The following RPA1 variants were observed in gnomAD, a reference collection of about 807,000 sequenced individuals.
RPA1 encodes replication protein A1.
RPA1 carries 49 observed loss-of-function variants against 83.0 expected under a neutral mutation model. That is an observed-to-expected ratio of 0.59 (90% confidence interval 0.47 to 0.75). The LOEUF is 0.75. RPA1 is among the 30% of genes least tolerant of loss of function. The pLI is 0.00. For synonymous variants in RPA1, 279 were observed against 281.8 expected, an observed-to-expected ratio of 0.99 and a Z score of 0.10; for missense variants, 693 against 776.1, an observed-to-expected ratio of 0.89 and a Z score of 1.27.
intron 6 of RPA1, among the ~76,000 whole-genome samples, chr17:1,874,032 T>TATATATATATACACACACAC (rs1171343408): frequency 1.3e-5 from 1 of 79,258 alleles, no homozygotes; most frequent in African/African-American, 6.3e-5. Flanking sequence ...TATATATATA[T>TATATATATATACACACACAC]ACACACACAC....
chr17:1,874,032 TACACACACAC>T (rs67199303), intron 6 of RPA1, among the ~76,000 whole-genome samples: 2 of 79,274 alleles, frequency 2.5e-5, no homozygotes, highest in Non-Finnish European at 4.2e-5. Flanking sequence ...TATATATATA[TACACACACAC>T]ACACACACAC....
At chr17:1,836,110 T>TTATTTA (rs1911811450) in intron 1 of RPA1, among the ~76,000 whole-genome samples, 1 of 151,758 alleles carries the variant, frequency 6.6e-6, no homozygotes, top group Non-Finnish European at 1.5e-5. Context: ...ATTGCACCTT[T>TTATTTA]TTTATTTATT....
intron 8 of RPA1, among the ~76,000 whole-genome samples, chr17:1,878,721 G>T (rs962437846): frequency 6.6e-6 from 1 of 152,160 alleles, no homozygotes; most frequent in Non-Finnish European, 1.5e-5. Context: ...GTTCTGTTCT[G>T]TTTCTCAGTT....
chr17:1,876,030 G>A lies in RPA1; in HGVS notation c.587+237G>A, dbSNP rs1913560984. ...ATAGCAATCTGCCATAGCCTGTGGG[G>A]TTTCATTCATTTTGAAAGAATTTGA... On this transcript the variant is annotated intron_variant, in intron 7 of 16. Coordinates refer to ENST00000254719, the MANE Select transcript of RPA1 (RefSeq NM_002945.5). Among the ~76,000 whole-genome samples the A allele has an allele frequency of 2.0e-5, 3 of 151,950 alleles. No individual in the cohort carries two copies. In the South Asian group the frequency reaches 6.2e-4, roughly 32 times the overall value.
intron 1 of RPA1, among the ~76,000 whole-genome samples, chr17:1,834,343 C>T (rs1911729955): frequency 2.6e-5 from 4 of 152,178 alleles, no homozygotes; most frequent in Admixed American, 2.6e-4. Flanking sequence ...AGATGTGAGC[C>T]ACTGCACCTG....
At chr17:1,870,160 A>C (rs1913324949) in intron 5 of RPA1, among the ~76,000 whole-genome samples, 1 of 152,154 alleles carries the variant, frequency 6.6e-6, no homozygotes, top group Non-Finnish European at 1.5e-5. Flanking sequence ...AATAGTGTCT[A>C]CATCCTAGGG....
chr17:1,852,228 C>T (rs1295168773), intron 4 of RPA1, among the ~76,000 whole-genome samples: 2 of 152,102 alleles, frequency 1.3e-5, no homozygotes, highest in Non-Finnish European at 2.9e-5. Flanking sequence ...ATTGACAGTA[C>T]AGTCTAGTAG....
At chr17:1,834,634 C>T (rs1196292817) in intron 1 of RPA1, among the ~76,000 whole-genome samples, 1 of 152,162 alleles carries the variant, frequency 6.6e-6, no homozygotes, top group East Asian at 1.9e-4. Context: ...CAACAGAATA[C>T]ATAGCATTTG....
chr17:1,875,725 G>T lies in RPA1; in HGVS notation c.519G>T (p.Leu173=). The change falls in exon 7 of 17, where the codon CTG becomes CTT. Residue 173 remains leucine (L), a synonymous_variant. Transcript: ENST00000254719. Reference sequence around the variant, plus strand: ...TTGGAAAAGCTGCAGGTCCCAGCCTGTCACACACTTCTGGGGGAACACAGT... The same window carrying T: ...TTGGAAAAGCTGCAGGTCCCAGCCTTTCACACACTTCTGGGGGAACACAGT... The part of the protein sequence containing the change: ...KTFGKAAGPS[L]SHTSGGTQSK... The T allele has an allele frequency of 6.2e-7, 1 of 1,614,180 alleles. No individual in the cohort carries two copies. The highest frequency in any genetic ancestry group is 8.5e-7 in the Non-Finnish European group (1 of 1,180,036).
At position 1,895,034 on chromosome 17, in the gene RPA1, T is replaced by A; in HGVS notation, c.1685T>A (p.Phe562Tyr). 1 of 1,613,502 alleles carries A rather than the reference T, an allele frequency of 6.2e-7. No individual in the cohort carries two copies. The highest frequency in any genetic ancestry group is 1.1e-5 in the South Asian group (1 of 91,006). ...AATGAACAGGCATTTGAAGAAGTTT[T>A]CCAGAATGCCAACTTCCGATCTTTC... Reference protein sequence around the residue: ...DKNEQAFEEVFQNANFRSFIF... With the variant: ...DKNEQAFEEVYQNANFRSFIF... The change falls in exon 16 of 17, where the codon TTC (phenylalanine) becomes TAC (tyrosine). Residue 562 changes from phenylalanine to tyrosine, a missense_variant. Phe to Tyr is a conservative substitution (Grantham distance 22, BLOSUM62 3). Coordinates refer to ENST00000254719, the MANE Select transcript of RPA1 (RefSeq NM_002945.5).
At chr17:1,890,677 T>C (rs1260736026) in intron 14 of RPA1, among the ~76,000 whole-genome samples, 1 of 151,964 alleles carries the variant, frequency 6.6e-6, no homozygotes, top group Non-Finnish European at 1.5e-5. Context: ...AATAAATAAA[T>C]TAAATTAATA....
chr17:1,846,702 G>A (rs1226821282), intron 4 of RPA1, among the ~76,000 whole-genome samples: 1 of 152,098 alleles, frequency 6.6e-6, no homozygotes, highest in African/African-American at 2.4e-5. Flanking sequence ...TTTTCTGTGT[G>A]TTATTCCTTA....
At chr17:1,872,020 C>T (rs1428995385) in intron 5 of RPA1, 1 of 173,594 alleles carries the variant, frequency 5.8e-6, no homozygotes, top group African/African-American at 2.4e-5. Flanking sequence ...TTTTTCTTAC[C>T]ACCCAGCTTT....
chr17:1,844,417 C>T (rs1912178423), intron 3 of RPA1, among the ~76,000 whole-genome samples, 161 bp from the exon 4 acceptor site: 1 of 152,182 alleles, frequency 6.6e-6, no homozygotes, highest in South Asian at 2.1e-4. Flanking sequence ...AAATGTTTAA[C>T]AGGCAGCAAA....
At position 1,884,321 on chromosome 17, in the gene RPA1, A is replaced by G. The variant is rs970793616; in HGVS notation, c.1374+377A>G. Among the ~76,000 whole-genome samples the G allele has an allele frequency of 2.5e-5, 3 of 121,034 alleles. No individual in the cohort carries two copies. Among genetic ancestry groups the G allele is most frequent in the African/African-American group, 7.6e-5 (2 of 26,344 alleles). 79.4% of individuals were successfully genotyped at this position (121,034 alleles called of 152,430 possible). On this transcript the variant is annotated intron_variant, in intron 13 of 16. Coordinates refer to ENST00000254719, the MANE Select transcript of RPA1 (RefSeq NM_002945.5). This position sits in a 1 kb window ranked among gnomAD's most constrained non-coding sequence, Gnocchi z 4.1. ...ACATATCAAAAAGATGTTTTTTGAG[A>G]TGAGCGTTAGTCCGCCTCAGGTCAG...
intron 16 of RPA1, among the ~76,000 whole-genome samples, chr17:1,896,378 A>G (rs960841252): frequency 6.6e-6 from 1 of 152,230 alleles, no homozygotes; most frequent in African/African-American, 2.4e-5. Context: ...GTGTAAACGT[A>G]CGAGTGGGCA....
At chr17:1,853,255 C>A in intron 5 of RPA1, 66 bp downstream of exon 5, 1 of 1,229,052 alleles carries the variant, frequency 8.1e-7, no homozygotes, top group Non-Finnish European at 1.2e-6. Flanking sequence ...GGAGTTCTAC[C>A]TTTTGGATTC....
chr17:1,846,443 G>C (rs150707765), intron 4 of RPA1, among the ~76,000 whole-genome samples: 1 of 144,716 alleles, frequency 6.9e-6, no homozygotes, highest in Non-Finnish European at 1.5e-5. Context: ...TCAGCCTCCC[G>C]AGTAGCTGGG....
intron 5 of RPA1, among the ~76,000 whole-genome samples, chr17:1,860,322 C>A (rs1254434631): frequency 1.3e-5 from 2 of 151,962 alleles, no homozygotes; most frequent in Non-Finnish European, 2.9e-5. Flanking sequence ...CATTTCTTTT[C>A]TTTTTATTTG....
Sources: gnomAD v4.1 joint callset for allele counts (sites outside exome capture counted in the v4.1 genomes callset) on GRCh38, gnomAD v4.1.1 for gene constraint, Gnocchi (gnomAD v3.1) non-coding constraint, MANE v1.5 for transcripts, NCBI Gene and HGNC (gene_info 2026-07-23, HGNC 2026-07-21) for gene names.